The following UBE4B variants were observed in gnomAD, a reference collection of about 807,000 sequenced individuals.
UBE4B encodes ubiquitin conjugation factor E4 B.
In UBE4B, 27 loss-of-function variants were observed where a neutral mutation model predicts 148.1. That is an observed-to-expected ratio of 0.18 (90% CI 0.13 to 0.25). The LOEUF is 0.25. UBE4B is among the 10% of genes least tolerant of loss of function. The probability of loss-of-function intolerance (pLI) is 1.00; values close to 1 mark genes in which losing one functional copy is unlikely to be tolerated. For missense variants in UBE4B, 1,170 were observed against 1,662.4 expected, an observed-to-expected ratio of 0.70 and a Z score of 5.15; for synonymous variants, 596 against 619.3, an observed-to-expected ratio of 0.96 and a Z score of 0.56.
chr1:10,177,066 C>T (rs1279012356), intron 25 of UBE4B, among the ~76,000 whole-genome samples: 1 of 151,160 alleles, frequency 6.6e-6, no homozygotes, highest in Non-Finnish European at 1.5e-5. Flanking sequence ...GGATTACAGG[C>T]GTGAGCCACC....
At chr1:10,166,817 C>G (rs1339104495) in intron 23 of UBE4B, among the ~76,000 whole-genome samples, 1 of 151,970 alleles carries the variant, frequency 6.6e-6, no homozygotes, top group African/African-American at 2.4e-5. Context: ...CCCAGCTACT[C>G]AGGAGGCTGA....
rs181945943 is a variant in UBE4B at position 10,115,933 on chromosome 1, T to C, written c.1197-1526T>C. 8.8e-4 allele frequency among the ~76,000 whole-genome samples: 134 copies of C among 152,358 alleles called. 2 individuals are homozygous for C. Among genetic ancestry groups the C allele is most frequent in the Non-Finnish European group, 3.4e-4 (23 of 68,028 alleles). ...ACAGTAAAAATATGGCATTATAACC[T>C]TGTGGGACCACTAGGGTATATTTGG... On this transcript the variant is annotated intron_variant, in intron 7 of 27. Coordinates refer to ENST00000343090, the MANE Select transcript of UBE4B (RefSeq NM_001105562.3).
intron 2 of UBE4B, among the ~76,000 whole-genome samples, chr1:10,081,511 A>G (rs1254608976): frequency 6.6e-6 from 1 of 151,440 alleles, no homozygotes; most frequent in Non-Finnish European, 1.5e-5. Context: ...TGCTGCCTCA[A>G]CCTCCCAGGC....
At chr1:10,111,092 C>CAG (rs1645212337) in intron 7 of UBE4B, among the ~76,000 whole-genome samples, 1 of 141,306 alleles carries the variant, frequency 7.1e-6, no homozygotes, top group Non-Finnish European at 1.5e-5. Flanking sequence ...CACACACACA[C>CAG]AGTCTTTCCA....
chr1:10,072,527 T>G, intron 2 of UBE4B: 2 of 712,738 alleles, frequency 2.8e-6, no homozygotes, highest in Non-Finnish European at 5.2e-6. Context: ...ATTTGGTTGA[T>G]GGTTTTAAGA....
At chr1:10,051,725 G>A (rs889611222) in intron 1 of UBE4B, among the ~76,000 whole-genome samples, 2 of 152,166 alleles carry the variant, frequency 1.3e-5, no homozygotes, top group Non-Finnish European at 2.9e-5. Context: ...GGAGTCCCAG[G>A]AGAAATGTTC....
chr1:10,085,720 C>G (rs186091934), intron 2 of UBE4B, among the ~76,000 whole-genome samples: 1 of 152,210 alleles, frequency 6.6e-6, no homozygotes, highest in Admixed American at 6.5e-5. Flanking sequence ...GTACAGAGTT[C>G]ACTAACAGCG....
chr1:10,050,499 G>A (rs1470941667), intron 1 of UBE4B, among the ~76,000 whole-genome samples: 1 of 152,136 alleles, frequency 6.6e-6, no homozygotes, highest in Non-Finnish European at 1.5e-5. Flanking sequence ...ACGGGAAAGG[G>A]GTTTCATTAA....
At chr1:10,169,812 C>T (rs1646311604) in intron 24 of UBE4B, among the ~76,000 whole-genome samples, 1 of 152,080 alleles carries the variant, frequency 6.6e-6, no homozygotes, top group Non-Finnish European at 1.5e-5. Context: ...GTCAGGAGTT[C>T]CAGACCAGCC....
At chr1:10,057,448 T>C (rs1644195785) in intron 1 of UBE4B, among the ~76,000 whole-genome samples, 1 of 139,914 alleles carries the variant, frequency 7.1e-6, no homozygotes, top group Admixed American at 7.6e-5. Flanking sequence ...TGAGACAGAG[T>C]GTCTGTTGCC....
intron 17 of UBE4B, among the ~76,000 whole-genome samples, chr1:10,143,946 G>T (rs898810949): frequency 1.3e-5 from 2 of 152,202 alleles, no homozygotes; most frequent in African/African-American, 4.8e-5. Context: ...TTCAGTGAGG[G>T]TTCATCTTGG....
At chr1:10,103,397 CTCTT>C (rs914362492) in intron 5 of UBE4B, among the ~76,000 whole-genome samples, 11 of 137,572 alleles carry the variant, frequency 8.0e-5, no homozygotes, top group Admixed American at 5.8e-4. Flanking sequence ...GCATTACCTC[CTCTT>C]TATTTATTTA....
intron 2 of UBE4B, among the ~76,000 whole-genome samples, chr1:10,088,671 G>A (rs761477304): frequency 4.1e-5 from 6 of 148,012 alleles, no homozygotes; most frequent in Admixed American, 3.4e-4. Flanking sequence ...ACGCCTGACC[G>A]TATTTTATTA....
In UBE4B at chr1:10,166,961, ACACACACAC is replaced by A. The variant is rs1223570530; in HGVS notation, c.3199-1174_3199-1166del. ...ATAAATCACACACACACACACACAC[ACACACACAC>A]AAAAAAAAAAAATTAGCTGGGCATG... On this transcript the variant is annotated intron_variant, in intron 23 of 27. Coordinates refer to ENST00000343090, the MANE Select transcript of UBE4B (RefSeq NM_001105562.3). Among the ~76,000 whole-genome samples the A allele has an allele frequency of 1.4e-3, 195 of 140,324 alleles. 1 individual carries two copies. Among genetic ancestry groups the A allele is most frequent in the African/African-American group, 5.2e-3 (178 of 33,906 alleles). The allele number at this position is 140,324 out of a possible 152,430, so 92.1% of individuals were successfully genotyped here.
Position 10,135,125 on chromosome 1 carries a change from C to T in UBE4B, c.2163C>T (p.Pro721=). The part of the protein sequence containing the change: ...IFHPRCRITL[P]NDETRVNATM... ...ACCCAAGATGTCGGATTACTCTTCC[C>T]AATGATGAGACGCGTGTGAATGCAA... Residue 721 remains proline (P), a synonymous_variant, in exon 16 of 28, where the codon CCC becomes CCT. Coordinates refer to ENST00000343090, the MANE Select transcript of UBE4B (RefSeq NM_001105562.3). The T allele has an allele frequency of 6.2e-7, 1 of 1,613,974 alleles. No homozygotes were observed. Among genetic ancestry groups the T allele is most frequent in the East Asian group, 2.2e-5 (1 of 44,866 alleles).
chr1:10,099,298 A>G (rs1207266314), intron 3 of UBE4B, among the ~76,000 whole-genome samples: 1 of 152,216 alleles, frequency 6.6e-6, no homozygotes, highest in East Asian at 1.9e-4. Flanking sequence ...TAAGTTGCTT[A>G]TAAGAAGTGT....
intron 7 of UBE4B, among the ~76,000 whole-genome samples, chr1:10,114,188 G>A (rs1645268770): frequency 3.3e-5 from 5 of 151,852 alleles, no homozygotes; most frequent in Admixed American, 3.3e-4. Flanking sequence ...ACATGAAGAA[G>A]ATCTATTTTC....
chr1:10,099,326 C>T (rs1644973533), intron 3 of UBE4B, among the ~76,000 whole-genome samples: 1 of 152,098 alleles, frequency 6.6e-6, no homozygotes, highest in South Asian at 2.1e-4. Flanking sequence ...AAATCAGTTG[C>T]ATTCCTGTCT....
intron 23 of UBE4B, among the ~76,000 whole-genome samples, chr1:10,167,055 C>T (rs945056865): frequency 6.6e-6 from 1 of 151,970 alleles, no homozygotes; most frequent in African/African-American, 2.4e-5. Flanking sequence ...TCACTTGAAC[C>T]TGGGAGGCGG....
Sources: gnomAD v4.1 joint callset for allele counts (sites outside exome capture counted in the v4.1 genomes callset) on GRCh38, gnomAD v4.1.1 for gene constraint, MANE v1.5 for transcripts, NCBI Gene and HGNC (gene_info 2026-07-23, HGNC 2026-07-21) for gene names.